SNTG1: variants seen among roughly 807,000 people sequenced by gnomAD.
The protein encoded by SNTG1 is gamma-1-syntrophin.
SNTG1 carries 39 observed loss-of-function variants against 74.7 expected under a neutral mutation model. That is an observed-to-expected ratio of 0.52 (90% CI 0.40 to 0.68). The LOEUF (loss-of-function observed/expected upper bound fraction) is 0.68. Among genes scored for constraint, SNTG1 ranks in the 30% least tolerant of loss-of-function variants. The pLI is 0.00. For synonymous variants in SNTG1, 254 were observed against 217.1 expected (o/e 1.17, Z -1.49); for missense variants, 685 against 609.5 (o/e 1.12, Z -1.30).
chr8:49,940,721 C>T (rs1808610367), intron 1 of SNTG1, among the ~76,000 whole-genome samples: 1 of 152,146 alleles, frequency 6.6e-6, no homozygotes, highest in African/African-American at 2.4e-5. Flanking sequence ...CCTGTCCTCA[C>T]AGAACTTGTA....
At chr8:49,929,838 G>T (rs1005378393) in intron 1 of SNTG1, among the ~76,000 whole-genome samples, 1 of 150,362 alleles carries the variant, frequency 6.7e-6, no homozygotes, top group Non-Finnish European at 1.5e-5. Context: ...CTAGCATTAG[G>T]TATATCTCCC....
rs759362497 is a variant in SNTG1 at position 50,530,190 on chromosome 8, C to T, written c.480C>T (p.Asp160=). Residue 160 remains aspartate (D), a synonymous_variant, in exon 10 of 19, where the codon GAC becomes GAT. Transcript: ENST00000642720. The stretch of plus-strand genomic sequence containing the variant: ...TGTCTCCTGCAGGTGCTCCAAGTGA[C>T]CAGAGCAGTGGCACCTCCTCTCCTC... The part of the protein sequence containing the change: ...LNEDCACAPS[D]QSSGTSSPLC... The T allele has an allele frequency of 6.2e-7, 1 of 1,613,568 alleles. No homozygotes were observed. Among genetic ancestry groups the T allele is most frequent in the Non-Finnish European group, 8.5e-7 (1 of 1,179,678 alleles).
chr8:50,239,992 A>G (rs1233173928), intron 2 of SNTG1, among the ~76,000 whole-genome samples: 2 of 152,200 alleles, frequency 1.3e-5, no homozygotes, highest in Non-Finnish European at 2.9e-5. Context: ...AAATTCACTA[A>G]GTAACTATAA....
intron 13 of SNTG1, among the ~76,000 whole-genome samples, chr8:50,605,605 A>G (rs931650078): frequency 3.9e-5 from 6 of 152,092 alleles, no homozygotes; most frequent in Non-Finnish European, 8.8e-5. Flanking sequence ...CCATGAAGCC[A>G]CTGCTAGAGG....
chr8:50,753,134 G>A (rs985837473), intron 18 of SNTG1, among the ~76,000 whole-genome samples: 1 of 151,768 alleles, frequency 6.6e-6, no homozygotes. Flanking sequence ...TATTTTACAT[G>A]CCTCACAAGT....
At chr8:50,054,345 CACCAAGTTCTATGT>C in intron 1 of SNTG1, among the ~76,000 whole-genome samples, 1 of 152,208 alleles carries the variant, frequency 6.6e-6, no homozygotes, top group East Asian at 1.9e-4. Context: ...TTCAACCAAT[CACCAAGTTCTATGT>C]ACTTTACCTT....
At chr8:49,948,898 C>T (rs1314080754) in intron 1 of SNTG1, among the ~76,000 whole-genome samples, 2 of 152,184 alleles carry the variant, frequency 1.3e-5, no homozygotes, top group Admixed American at 6.5e-5. Flanking sequence ...GAGGCCCAGT[C>T]CACCTTTTGG....
At chr8:50,787,336 T>C (rs77795233) in intron 18 of SNTG1, among the ~76,000 whole-genome samples, 3,021 of 151,750 alleles carry the variant, frequency 0.02, 97 homozygotes, top group African/African-American at 0.065. Flanking sequence ...AAAAAGAAAC[T>C]AGACAATAAT....
intron 17 of SNTG1, among the ~76,000 whole-genome samples, chr8:50,717,521 C>T (rs2095477880): frequency 6.6e-6 from 1 of 152,140 alleles, no homozygotes; most frequent in African/African-American, 2.4e-5. Context: ...GATTCTGAAA[C>T]ATCTGAGCAT....
intron 2 of SNTG1, chr8:50,286,797 T>G (rs562871961): frequency 6.6e-6 from 1 of 152,282 alleles, no homozygotes; most frequent in African/African-American, 2.4e-5. Context: ...GCGATGCAGG[T>G]TTAACCTGTT....
At chr8:50,276,808 A>T (rs1312175039) in intron 2 of SNTG1, among the ~76,000 whole-genome samples, 1 of 152,100 alleles carries the variant, frequency 6.6e-6, no homozygotes, top group Non-Finnish European at 1.5e-5. Context: ...AAAAAGTAAA[A>T]AATTAGTTGA....
At chr8:50,091,987 AC>A (rs1265316034) in intron 1 of SNTG1, among the ~76,000 whole-genome samples, 1 of 152,128 alleles carries the variant, frequency 6.6e-6, no homozygotes, top group Non-Finnish European at 1.5e-5. Context: ...TCTAAAAAAA[AC>A]AAAAACCAAA....
At chr8:50,731,630 A>G (rs2095513311) in intron 17 of SNTG1, among the ~76,000 whole-genome samples, 1 of 152,102 alleles carries the variant, frequency 6.6e-6, no homozygotes, top group African/African-American at 2.4e-5. Flanking sequence ...GGTCTACCTC[A>G]GAGCCAGCTA....
At chr8:50,106,779 G>C (rs1438912569) in intron 1 of SNTG1, among the ~76,000 whole-genome samples, 1 of 151,982 alleles carries the variant, frequency 6.6e-6, no homozygotes, top group Non-Finnish European at 1.5e-5. Context: ...TGATAACATT[G>C]TGTTTGACAA....
At chr8:49,922,162 C>T (rs1806605738) in intron 1 of SNTG1, among the ~76,000 whole-genome samples, 1 of 152,114 alleles carries the variant, frequency 6.6e-6, no homozygotes, top group South Asian at 2.1e-4. Flanking sequence ...TAAACTGGCC[C>T]TGTCTGTTCC....
chr8:50,493,499 A>G (rs899039614), intron 8 of SNTG1, among the ~76,000 whole-genome samples: 2 of 152,150 alleles, frequency 1.3e-5, no homozygotes, highest in African/African-American at 4.8e-5. Flanking sequence ...CAAACCTTCA[A>G]TTAGTGTATT....
intron 1 of SNTG1, among the ~76,000 whole-genome samples, chr8:49,928,842 T>C (rs1807291994): frequency 6.6e-6 from 1 of 152,116 alleles, no homozygotes; most frequent in Non-Finnish European, 1.5e-5. Context: ...GTTTAGGACA[T>C]GCATAATTTA....
At chr8:50,707,382 ATGCTT>A (rs1186381969) in intron 16 of SNTG1, among the ~76,000 whole-genome samples, 13 of 152,138 alleles carry the variant, frequency 8.5e-5, no homozygotes, top group Non-Finnish European at 1.6e-4. Flanking sequence ...AGCATGCACA[ATGCTT>A]ATGTATTAAA....
chr8:50,762,107 C>G (rs757851997), intron 18 of SNTG1, among the ~76,000 whole-genome samples: 14 of 151,078 alleles, frequency 9.3e-5, no homozygotes, highest in Non-Finnish European at 1.9e-4. Context: ...GGTTCTGAGA[C>G]AGTGAAGAAA....
Sources: allele counts gnomAD v4.1 joint callset (sites outside exome capture counted in the v4.1 genomes callset), GRCh38; gene constraint gnomAD v4.1.1; transcripts MANE v1.5; gene names NCBI Gene and HGNC (gene_info 2026-07-23, HGNC 2026-07-21).